Variants in PDE4D observed in about 807,000 individuals in gnomAD.
The protein encoded by PDE4D is 3',5'-cyclic-AMP phosphodiesterase 4D.
Under a neutral mutation model 87.4 loss-of-function variants are expected in PDE4D, and 24 were observed. The ratio of observed to expected loss-of-function variants is 0.27; its 90% CI spans 0.20 to 0.39. PDE4D has a LOEUF of 0.39. PDE4D is among the 10% of genes least tolerant of loss of function. The pLI, the probability that PDE4D is intolerant of heterozygous loss-of-function variation, is 1.00. For missense variants in PDE4D, 714 were observed against 1,041.0 expected (o/e 0.69, Z 4.32); for synonymous variants, 384 against 383.2 (o/e 1.00, Z -0.02).
intron 5 of PDE4D, among the ~76,000 whole-genome samples, chr5:59,102,081 CTTTTTT>C (rs34811771): frequency 4.2e-5 from 4 of 96,186 alleles, no homozygotes; most frequent in Admixed American, 4.0e-4. Context: ...TTTTTCCCTA[CTTTTTT>C]TTTTTTTTTT....
intron 1 of PDE4D, among the ~76,000 whole-genome samples, chr5:59,251,863 C>T (rs1760009935): frequency 6.6e-6 from 1 of 152,122 alleles, no homozygotes; most frequent in African/African-American, 2.4e-5. Flanking sequence ...AGAATGAGAT[C>T]ATGTCTTTTA....
chr5:60,432,886 A>C (rs945763551), intron 1 of PDE4D, among the ~76,000 whole-genome samples: 2 of 152,234 alleles, frequency 1.3e-5, no homozygotes, highest in Non-Finnish European at 2.9e-5. Context: ...TATGCCAAAG[A>C]CTGAAACTGG....
intron 1 of PDE4D, among the ~76,000 whole-genome samples, chr5:59,444,417 TTTAA>T (rs551029942): frequency 2.9e-4 from 44 of 152,322 alleles, no homozygotes; most frequent in African/African-American, 9.9e-4. Flanking sequence ...CCAACATATT[TTTAA>T]TTTTGTTTTT....
chr5:59,939,235 G>A (rs1756924976), intron 3 of PDE4D, among the ~76,000 whole-genome samples: 1 of 152,192 alleles, frequency 6.6e-6, no homozygotes, highest in African/African-American at 2.4e-5. Context: ...ATGTGTGTGT[G>A]TAGTAAGGAG....
intron 1 of PDE4D, among the ~76,000 whole-genome samples, chr5:59,487,444 C>T (rs1434105494): frequency 2.0e-5 from 3 of 152,042 alleles, no homozygotes; most frequent in Non-Finnish European, 2.9e-5. Flanking sequence ...AAGCCAAGAA[C>T]CAGACTCACA....
chr5:59,960,994 C>T (rs1323800123), intron 3 of PDE4D, among the ~76,000 whole-genome samples: 1 of 152,114 alleles, frequency 6.6e-6, no homozygotes, highest in Non-Finnish European at 1.5e-5. Context: ...CAATGCATTC[C>T]TTCAACAAAT....
Position 60,460,176 on chromosome 5 carries a change from C to A in PDE4D, c.-90+27766G>T, listed in dbSNP as rs572558819. 40 of 1,569,660 alleles carry A rather than the reference C, an allele frequency of 2.5e-5. No homozygotes were observed. The African/African-American group carries it at 4.1e-4, about 16-fold the overall frequency. On this transcript the variant is annotated intron_variant, in intron 1 of 16. Coordinates refer to the PDE4D transcript ENST00000502484. ...TATTCTGCATTTGACTTGAACATTTCATCAAATCCTTTCCAGATGAACATT... is the reference window on the plus strand; with the variant it reads ...TATTCTGCATTTGACTTGAACATTTAATCAAATCCTTTCCAGATGAACATT...
chr5:60,320,296 A>G (rs1562320693), intron 1 of PDE4D, among the ~76,000 whole-genome samples: 1 of 152,336 alleles, frequency 6.6e-6, no homozygotes, highest in East Asian at 1.9e-4. Flanking sequence ...ACGGGATATA[A>G]TCTCCTGGTG....
At chr5:60,050,320 G>A (rs186170865) in intron 2 of PDE4D, among the ~76,000 whole-genome samples, 193 of 152,182 alleles carry the variant, frequency 1.3e-3, no homozygotes, top group Non-Finnish European at 2.0e-3. Flanking sequence ...GAAATCACCC[G>A]TCTTCTGTGA....
chr5:59,843,551 A>G (rs1171715511), intron 1 of PDE4D, among the ~76,000 whole-genome samples: 2 of 152,074 alleles, frequency 1.3e-5, no homozygotes, highest in Non-Finnish European at 2.9e-5. Flanking sequence ...TTGGTTGTCA[A>G]TGTTACTTAT....
intron 1 of PDE4D, among the ~76,000 whole-genome samples, chr5:59,489,674 T>C (rs1222509238): frequency 6.6e-6 from 1 of 152,208 alleles, no homozygotes; most frequent in Non-Finnish European, 1.5e-5. Context: ...CTTAGCTGCA[T>C]GGAAGAATCC....
intron 1 of PDE4D, among the ~76,000 whole-genome samples, chr5:59,871,538 T>C (rs779860538): frequency 1.3e-5 from 2 of 152,236 alleles, no homozygotes; most frequent in African/African-American, 4.8e-5. Context: ...GAAAATAATA[T>C]AATGATGTTT....
intron 3 of PDE4D, among the ~76,000 whole-genome samples, chr5:59,986,238 T>C (rs1479364209): frequency 4.6e-5 from 7 of 152,180 alleles, no homozygotes; most frequent in Non-Finnish European, 1.0e-4. Context: ...GTGTTTTTGA[T>C]AGAGACAAGG....
At chr5:59,414,387 T>C (rs1426013213) in intron 1 of PDE4D, among the ~76,000 whole-genome samples, 4 of 152,278 alleles carry the variant, frequency 2.6e-5, no homozygotes, top group South Asian at 2.1e-4. Flanking sequence ...GTCTTCATCA[T>C]GGAAGAGGGA....
At chr5:59,490,880 T>A (rs1429128863) in intron 1 of PDE4D, among the ~76,000 whole-genome samples, 1 of 152,176 alleles carries the variant, frequency 6.6e-6, no homozygotes, top group Non-Finnish European at 1.5e-5. Context: ...TCTATCCAGA[T>A]TAAGTCTTCA....
At chr5:59,605,257 C>T (rs554243042) in intron 1 of PDE4D, among the ~76,000 whole-genome samples, 3 of 152,036 alleles carry the variant, frequency 2.0e-5, no homozygotes, top group African/African-American at 7.2e-5. Context: ...ATTGGCAATG[C>T]AAAAGTTTAT....
At chr5:59,413,403 A>G (rs1257394463) in intron 1 of PDE4D, among the ~76,000 whole-genome samples, 1 of 141,392 alleles carries the variant, frequency 7.1e-6, no homozygotes, top group African/African-American at 2.7e-5. Context: ...GCTTGCAGTG[A>G]GCCGAGATCG....
intron 1 of PDE4D, among the ~76,000 whole-genome samples, chr5:59,542,552 T>C (rs1031839579): frequency 2.0e-5 from 3 of 152,192 alleles, no homozygotes; most frequent in Non-Finnish European, 4.4e-5. Flanking sequence ...TAACATACTA[T>C]AGCATCTCTT....
At chr5:59,572,738 C>T (rs550229848) in intron 1 of PDE4D, among the ~76,000 whole-genome samples, 5 of 152,316 alleles carry the variant, frequency 3.3e-5, no homozygotes, top group Admixed American at 2.6e-4. Context: ...CCTCGGCCTC[C>T]CAAAGTGCTG....
Sources: allele counts gnomAD v4.1 joint callset (sites outside exome capture counted in the v4.1 genomes callset), GRCh38; gene constraint gnomAD v4.1.1; transcripts MANE v1.5; gene names NCBI Gene and HGNC (gene_info 2026-07-23, HGNC 2026-07-21).